Variants in FSD1 observed in about 807,000 individuals in gnomAD.
The protein encoded by FSD1 is fibronectin type III and SPRY domain containing 1.
FSD1 carries 23 observed loss-of-function variants against 58.2 expected under a neutral mutation model. That is an observed-to-expected ratio of 0.40 (90% CI 0.28 to 0.56). The LOEUF is 0.56. Among genes scored for constraint, FSD1 ranks in the 20% least tolerant of loss-of-function variants. FSD1 has a pLI of 0.54. For missense variants in FSD1, 563 were observed against 670.8 expected, an observed-to-expected ratio of 0.84 and a Z score of 1.78; for synonymous variants, 265 against 263.4, an observed-to-expected ratio of 1.01 and a Z score of -0.06.
At chr19:4,306,421 C>T (rs1388089194) in intron 3 of FSD1, 92 bp downstream of exon 3, 2 of 1,341,136 alleles carry the variant, frequency 1.5e-6, no homozygotes, top group Admixed American at 3.8e-5. Context: ...ACTGGGTGCT[C>T]TCGAGTTTCT....
chr19:4,322,846 C>A, intron 10 of FSD1, 140 bp from the exon 11 acceptor site: 1 of 1,052,186 alleles, frequency 9.5e-7, no homozygotes, highest in Non-Finnish European at 1.4e-6. Context: ...CTGGGGGGTA[C>A]AGCTAGGAAC....
intron 7 of FSD1, among the ~76,000 whole-genome samples, chr19:4,312,764 C>A (rs554532543): frequency 6.7e-6 from 1 of 149,514 alleles, no homozygotes; most frequent in African/African-American, 2.5e-5. Context: ...TAGATTGCGC[C>A]ACTGCACTCC....
intron 4 of FSD1, among the ~76,000 whole-genome samples, chr19:4,308,902 C>T (rs958368445): frequency 4.0e-5 from 6 of 150,036 alleles, no homozygotes; most frequent in East Asian, 2.0e-4. Context: ...GGTGAAACCC[C>T]GTCTCTACTA....
chr19:4,321,429 CTG>C (rs1971817014), intron 10 of FSD1, among the ~76,000 whole-genome samples: 3 of 117,956 alleles, frequency 2.5e-5, no homozygotes, highest in Non-Finnish European at 5.1e-5. Context: ...TGAGGAGTAT[CTG>C]TGGAAATAGC....
chr19:4,306,246 C>G lies in FSD1; in HGVS notation c.160C>G (p.Leu54Val). 1.2e-6 allele frequency: 2 copies of G among 1,614,070 alleles called. No individual in the cohort carries two copies. Among genetic ancestry groups the G allele is most frequent in the Non-Finnish European group, 1.7e-6 (2 of 1,179,984 alleles). Reference sequence around the variant, plus strand: ...GGACCTCGAAGCAGAGTTCCAGTCCCTCTTCTCCCTCCTGGAGGAGCTGAA... The same window carrying G: ...GGACCTCGAAGCAGAGTTCCAGTCCGTCTTCTCCCTCCTGGAGGAGCTGAA... ...QEDLEAEFQS[L>V]FSLLEELKEG... Residue 54 changes from leucine (L) to valine (V), a missense_variant, in exon 3 of 13, where the codon CTC (leucine) becomes GTC (valine). Transcript: ENST00000221856.
At position 4,307,086 on chromosome 19, in the gene FSD1, A is replaced by C. The variant is rs144766969; in HGVS notation, c.243+757A>C. 5.7e-3 allele frequency among the ~76,000 whole-genome samples: 873 copies of C among 151,922 alleles called. 11 individuals are homozygous for C. The highest frequency in any genetic ancestry group is 0.02 in the African/African-American group (835 of 41,442). On this transcript the variant is annotated intron_variant, in intron 3 of 12. Coordinates refer to ENST00000221856, the MANE Select transcript of FSD1 (RefSeq NM_024333.3). ...TTGTTTTGTTTTGAGACAGAGTCTT[A>C]TTCTGTCACCCAGGCTGGAGTCCAG...
At chr19:4,304,810 G>GGGGC in intron 1 of FSD1, 49 bp downstream of exon 1, 2 of 336,338 alleles carry the variant, frequency 5.9e-6, no homozygotes, top group Non-Finnish European at 5.0e-6. Context: ...CGGGGGCGGG[G>GGGGC]AAGGGGACCA....
chr19:4,306,820 C>G (rs1971627917), intron 3 of FSD1, among the ~76,000 whole-genome samples: 8 of 152,094 alleles, frequency 5.3e-5, no homozygotes, highest in Admixed American at 5.2e-4. Flanking sequence ...ATCTTCCCCT[C>G]CTGTCTTCAC....
rs763343056 is a variant in FSD1 at position 4,312,021 on chromosome 19, G to C, written c.670G>C (p.Gly224Arg). The change falls in exon 7 of 13, where the codon GGC becomes CGC. Residue 224 changes from glycine (G) to arginine (R), a missense_variant. By Grantham distance (125) the Gly-to-Arg change is moderately radical. Transcript: ENST00000221856. ...GGACCAGCCCTGGATGGTCATCGAG[G>C]GCATCCGGCAGACAGAGTACACCCT... ...KEDQPWMVIE[G>R]IRQTEYTLTG... is the part of the protein sequence containing the mutation. 6.2e-7 allele frequency: 1 copy of C among 1,611,034 alleles called. No individual in the cohort carries two copies. The highest frequency in any genetic ancestry group is 1.1e-5 in the South Asian group (1 of 91,054).
rs530676411 is a variant in FSD1 at position 4,323,291 on chromosome 19, G to A, written c.1291+54G>A. Reference sequence around the variant, plus strand: ...GGCTGCCCCTGCCTGAGTCCCCTCCGTCTGCCCCCATCCCACTTCTGACCG... The same window carrying A: ...GGCTGCCCCTGCCTGAGTCCCCTCCATCTGCCCCCATCCCACTTCTGACCG... On this transcript the variant is annotated intron_variant, in intron 11 of 12. Transcript: ENST00000221856. The surrounding 1 kb of genome is among the most constrained non-coding windows in gnomAD (Gnocchi z 7.7). 8.1e-6 allele frequency: 13 copies of A among 1,608,346 alleles called. No individual in the cohort carries two copies. Among genetic ancestry groups the A allele is most frequent in the East Asian group, 2.2e-5 (1 of 44,790 alleles).
At chr19:4,306,457 A>G in intron 3 of FSD1, 128 bp downstream of exon 3, 1 of 772,892 alleles carries the variant, frequency 1.3e-6, no homozygotes, top group East Asian at 2.8e-5. Context: ...CCCTCCATCC[A>G]CCTGTACACT....
At chr19:4,317,326 TCCTC>T (rs754066738) in intron 8 of FSD1, 46 bp downstream of exon 8, 3 of 1,116,504 alleles carry the variant, frequency 2.7e-6, no homozygotes, top group East Asian at 2.4e-5. Context: ...CATGGCCCCT[TCCTC>T]CCACAGCCCC....
intron 3 of FSD1, among the ~76,000 whole-genome samples, chr19:4,306,986 C>T (rs1971629647): frequency 6.6e-6 from 1 of 152,252 alleles, no homozygotes; most frequent in Non-Finnish European, 1.5e-5. Context: ...AACTTCCTGA[C>T]ATCCCAGATT....
intron 10 of FSD1, among the ~76,000 whole-genome samples, chr19:4,320,285 T>G (rs1321374328): frequency 6.6e-6 from 1 of 151,880 alleles, no homozygotes. Flanking sequence ...CTGGACTCTG[T>G]CACAGCAAGG....
intron 10 of FSD1, among the ~76,000 whole-genome samples, chr19:4,320,655 G>A (rs1971803344): frequency 3.3e-5 from 5 of 152,146 alleles, no homozygotes; most frequent in Admixed American, 3.3e-4. Context: ...GAATACCCGG[G>A]AATCAAGGAA....
chr19:4,305,696 G>A (rs919775073), intron 1 of FSD1, among the ~76,000 whole-genome samples: 1 of 152,186 alleles, frequency 6.6e-6, no homozygotes, highest in Admixed American at 6.5e-5. Flanking sequence ...GCTCAATAGC[G>A]TGGCAGCCCC....
At chr19:4,321,769 G>A (rs1971821232) in intron 10 of FSD1, among the ~76,000 whole-genome samples, 1 of 151,850 alleles carries the variant, frequency 6.6e-6, no homozygotes, top group Admixed American at 6.6e-5. Flanking sequence ...GTATCTGAGG[G>A]GAATAGCTGG....
Position 4,323,091 on chromosome 19 carries a change from A to T in FSD1, c.1145A>T (p.Glu382Val), listed in dbSNP as rs1971721645. 6.2e-7 allele frequency: 1 copy of T among 1,610,084 alleles called. No individual in the cohort carries two copies. The highest frequency in any genetic ancestry group is 8.5e-7 in the Non-Finnish European group (1 of 1,179,756). ...GVAYRSLGRF[E>V]QLGKTAASWC... The stretch of plus-strand genomic sequence containing the variant: ...GCCTACCGCAGCCTGGGCCGCTTCG[A>T]GCAACTGGGCAAGACGGCCGCCTCC... The change falls in exon 11 of 13, where the codon GAG becomes GTG. Residue 382 changes from glutamate (E) to valine (V), a missense_variant. Coordinates refer to ENST00000221856, the MANE Select transcript of FSD1 (RefSeq NM_024333.3). The surrounding 1 kb of genome is among the most constrained non-coding windows in gnomAD (Gnocchi z 7.7).
chr19:4,310,789 T>A, intron 6 of FSD1, 193 bp downstream of exon 6: 1 of 587,736 alleles, frequency 1.7e-6, no homozygotes, highest in Non-Finnish European at 3.0e-6. Flanking sequence ...GGTGGAGCCA[T>A]GGGAAGACCC....
Sources: gnomAD v4.1 joint callset for allele counts (sites outside exome capture counted in the v4.1 genomes callset) on GRCh38, gnomAD v4.1.1 for gene constraint, Gnocchi (gnomAD v3.1) non-coding constraint, MANE v1.5 for transcripts, NCBI Gene and HGNC (gene_info 2026-07-23, HGNC 2026-07-21) for gene names.